CYP20A1: variants seen among roughly 807,000 people sequenced by gnomAD.
CYP20A1 encodes the protein cytochrome P450 family 20 subfamily A member 1.
Under a neutral mutation model 61.4 loss-of-function variants are expected in CYP20A1, and 61 were observed. The observed-to-expected ratio is 0.99, with a 90% CI of 0.81 to 1.23. CYP20A1 has a LOEUF of 1.23. Ranked by LOEUF, CYP20A1 falls within the 50% of genes most tolerant of loss-of-function variation. The pLI is 0.00. For missense variants in CYP20A1, 530 were observed against 542.4 expected (o/e 0.98, Z 0.23); for synonymous variants, 193 against 188.2 (o/e 1.03, Z -0.21).
intron 7 of CYP20A1, among the ~76,000 whole-genome samples, chr2:203,279,494 A>G (rs2067959003): frequency 6.6e-6 from 1 of 152,178 alleles, no homozygotes; most frequent in Non-Finnish European, 1.5e-5. Flanking sequence ...ATACCACTGC[A>G]TTTGTGGTAT....
chr2:203,259,060 T>C (rs2067027722), intron 4 of CYP20A1, among the ~76,000 whole-genome samples: 1 of 152,192 alleles, frequency 6.6e-6, no homozygotes, highest in African/African-American at 2.4e-5. Context: ...ACTAAGTAAT[T>C]CTGACTTCCT....
At chr2:203,256,676 A>G (rs2066905349) in intron 4 of CYP20A1, among the ~76,000 whole-genome samples, 1 of 152,072 alleles carries the variant, frequency 6.6e-6, no homozygotes, top group South Asian at 2.1e-4. Context: ...TATTTTTTGT[A>G]ATCCTTTGAG....
At chr2:203,296,250 C>T (rs1227082215) in intron 11 of CYP20A1, among the ~76,000 whole-genome samples, 1 of 151,992 alleles carries the variant, frequency 6.6e-6, no homozygotes, top group Non-Finnish European at 1.5e-5. Flanking sequence ...GGTGACAGAG[C>T]GAGACCCTGT....
At position 203,305,459 on chromosome 2, in the gene CYP20A1, CA is replaced by C. The variant is rs1268474061; in HGVS notation, c.*8554del. 1.3e-5 allele frequency: 2 copies of C among 152,030 alleles called. No individual in the cohort carries two copies. The highest frequency in any genetic ancestry group is 2.9e-5 in the Non-Finnish European group (2 of 68,032). 9.4% of individuals were successfully genotyped at this position (152,030 alleles called of 1,614,324 possible). A position where few individuals can be genotyped will look rare whatever the true frequency, so the allele number is the denominator to read the frequency against. On this transcript the variant is annotated 3_prime_UTR_variant, in exon 13 of 13. Transcript: ENST00000356079. ...TCATAATCTACCTACCTCGGCCTCCCAAAGTGCTCGGATTACAGACGTGAGC... is the reference window on the plus strand; with the variant it reads ...TCATAATCTACCTACCTCGGCCTCCCAAGTGCTCGGATTACAGACGTGAGC...
rs1043864672 is a variant in CYP20A1 at position 203,304,332 on chromosome 2, C to A, written c.*7424C>A. Among the ~76,000 whole-genome samples the A allele has an allele frequency of 3.3e-5, 5 of 152,032 alleles. No homozygotes were observed. ...CCTGCCTCAGCCTCCCGAGTAGCTG[C>A]GACTACAGGCGAGTGCCTCCATGCC... On this transcript the variant is annotated 3_prime_UTR_variant, in exon 13 of 13. Transcript: ENST00000356079.
chr2:203,259,582 C>T (rs1318417397), intron 4 of CYP20A1: 1 of 152,024 alleles, frequency 6.6e-6, no homozygotes, highest in African/African-American at 2.4e-5. Flanking sequence ...ACCATGCGTT[C>T]TTTATAAATT....
intron 8 of CYP20A1, among the ~76,000 whole-genome samples, chr2:203,284,731 C>A (rs889586356): frequency 6.7e-6 from 1 of 149,922 alleles, no homozygotes; most frequent in African/African-American, 2.5e-5. Context: ...TTTTTGAGAA[C>A]CACTGCTTTT....
At chr2:203,286,485 A>G (rs1303544180) in intron 9 of CYP20A1, among the ~76,000 whole-genome samples, 2 of 152,218 alleles carry the variant, frequency 1.3e-5, no homozygotes, top group Non-Finnish European at 2.9e-5. Context: ...AAATTGTGGT[A>G]TTACCATACC....
At chr2:203,263,739 G>A (rs1223453241) in intron 4 of CYP20A1, among the ~76,000 whole-genome samples, 2 of 152,044 alleles carry the variant, frequency 1.3e-5, no homozygotes, top group African/African-American at 2.4e-5. Flanking sequence ...TATCTGTTTT[G>A]TATTGATTTC....
chr2:203,260,560 C>T (rs1194130624), intron 4 of CYP20A1, among the ~76,000 whole-genome samples: 4 of 152,132 alleles, frequency 2.6e-5, no homozygotes, highest in Non-Finnish European at 5.9e-5. Flanking sequence ...GCTTTGTCAC[C>T]CAGACTGGAG....
chr2:203,267,650 C>T (rs542082833), intron 5 of CYP20A1, among the ~76,000 whole-genome samples: 68 of 151,944 alleles, frequency 4.5e-4, no homozygotes, highest in African/African-American at 1.5e-3. Context: ...CAAGACCAGA[C>T]TGGCCAAGAT....
chr2:203,246,890 A>T lies in CYP20A1; in HGVS notation c.258A>T (p.Val86=). The change falls in exon 3 of 13, where the codon GTA becomes GTT. Residue 86 remains valine, a synonymous_variant. Transcript: ENST00000356079. ...RLVVSLGTVD[V]LKQHINPNKT... is the part of the protein sequence containing the mutation. ...TGGTTAGTTTGGGCACTGTTGATGT[A>T]CTGAAGCAGCATATCAATCCCAATA... 1 of 1,614,032 alleles carries T rather than the reference A, an allele frequency of 6.2e-7. No homozygotes were observed. The highest frequency in any genetic ancestry group is 8.5e-7 in the Non-Finnish European group (1 of 1,179,992).
chr2:203,282,032 A>G lies in CYP20A1; in HGVS notation c.850+1919A>G, dbSNP rs996223115. ...AGCATATGTCAAAAATAATGTATTC[A>G]ACCTTTTTTTTTTTTTTTTTTTGAG... On this transcript the variant is annotated intron_variant, in intron 8 of 12. Transcript: ENST00000356079. Among the ~76,000 whole-genome samples the G allele has an allele frequency of 2.9e-4, 41 of 141,706 alleles. 1 individual carries two copies. The highest frequency in any genetic ancestry group is 6.2e-4 in the Admixed American group (8 of 12,864). The allele number at this position is 141,706 out of a possible 152,430, so 93.0% of individuals were successfully genotyped here.
chr2:203,266,066 G>A (rs959065747), intron 4 of CYP20A1, among the ~76,000 whole-genome samples: 1 of 152,116 alleles, frequency 6.6e-6, no homozygotes, highest in African/African-American at 2.4e-5. Flanking sequence ...GTGAAGGAAG[G>A]AATGACAAAG....
chr2:203,240,363 A>G (rs866737781), intron 1 of CYP20A1, among the ~76,000 whole-genome samples: 6 of 152,254 alleles, frequency 3.9e-5, no homozygotes, highest in Non-Finnish European at 8.8e-5. Context: ...TGATCAGCTC[A>G]TAGAAGCACA....
At chr2:203,275,637 A>G (rs908755762) in intron 6 of CYP20A1, among the ~76,000 whole-genome samples, 1 of 152,026 alleles carries the variant, frequency 6.6e-6, no homozygotes, top group Admixed American at 6.6e-5. Flanking sequence ...ACGGGGTTTC[A>G]CCATGTTGGC....
At chr2:203,243,889 C>T (rs187314333) in intron 1 of CYP20A1, among the ~76,000 whole-genome samples, 10 of 152,016 alleles carry the variant, frequency 6.6e-5, no homozygotes, top group Admixed American at 6.6e-4. Flanking sequence ...GGGGTTTCCC[C>T]GTGTTGCACA....
chr2:203,303,596 G>C lies in CYP20A1; in HGVS notation c.*6688G>C, dbSNP rs1252337621. Among the ~76,000 whole-genome samples the C allele has an allele frequency of 6.6e-6, 1 of 152,052 alleles. No homozygotes were observed. Among genetic ancestry groups the C allele is most frequent in the Non-Finnish European group, 1.5e-5 (1 of 68,030 alleles). On this transcript the variant is annotated 3_prime_UTR_variant, in exon 13 of 13. Coordinates refer to ENST00000356079, the MANE Select transcript of CYP20A1 (RefSeq NM_177538.3). Reference sequence around the variant, plus strand: ...TCTAATCCCAGCTACTCGGGAGGCTGAGGCAGGAGAATCGCTTGAACCCAA... The same window carrying C: ...TCTAATCCCAGCTACTCGGGAGGCTCAGGCAGGAGAATCGCTTGAACCCAA...
intron 8 of CYP20A1, among the ~76,000 whole-genome samples, chr2:203,282,137 A>C (rs1047108716): frequency 1.4e-5 from 2 of 147,646 alleles, no homozygotes; most frequent in African/African-American, 5.0e-5. Flanking sequence ...TCCTCGATTC[A>C]AGTGATTCTC....
Sources: allele counts gnomAD v4.1 joint callset (sites outside exome capture counted in the v4.1 genomes callset), GRCh38; gene constraint gnomAD v4.1.1; transcripts MANE v1.5; gene names NCBI Gene and HGNC (gene_info 2026-07-23, HGNC 2026-07-21).